The following CFI variants were observed in gnomAD, a reference collection of about 807,000 sequenced individuals.
CFI encodes the protein C3B/C4B inactivator.
In CFI, 66 loss-of-function variants were observed where a neutral mutation model predicts 78.8. The ratio of observed to expected loss-of-function variants is 0.84; its 90% CI spans 0.69 to 1.03. The LOEUF (loss-of-function observed/expected upper bound fraction) is 1.03, where lower values mean the gene tolerates loss of function less well. CFI is among the 50% of genes least tolerant of loss of function. The pLI is 0.00. For missense variants in CFI, 706 were observed against 704.5 expected (o/e 1.00, Z -0.02); for synonymous variants, 250 against 232.6 (o/e 1.07, Z -0.68).
Position 109,741,091 on chromosome 4 carries a change from G to A in CFI, c.1554C>T (p.Ile518=), listed in dbSNP as rs767533323. Residue 518 remains isoleucine, a synonymous_variant, in exon 13 of 13, where the codon ATC becomes ATT. Coordinates refer to ENST00000394634, the MANE Select transcript of CFI (RefSeq NM_000204.5). ...CTCCAGAGTCCCCTTTACAGGCATC[G>A]ATGGAACCATCATATGTACCTAAGA... ...MECAGTYDGS[I]DACKGDSGGP... The A allele has an allele frequency of 6.2e-6, 10 of 1,614,078 alleles. No homozygotes were observed. Among genetic ancestry groups the A allele is most frequent in the Non-Finnish European group, 3.4e-6 (4 of 1,179,976 alleles).
intron 1 of CFI, among the ~76,000 whole-genome samples, chr4:109,780,930 A>G (rs1453825678): frequency 6.6e-6 from 1 of 152,210 alleles, no homozygotes; most frequent in East Asian, 1.9e-4. Context: ...TCTCACTCAC[A>G]GGTGGGAATT....
the CFI span, among the ~76,000 whole-genome samples, chr4:109,732,469 A>AT: frequency 8.5e-5 from 13 of 152,216 alleles, no homozygotes; most frequent in African/African-American, 2.4e-5. Flanking sequence ...ATGCTGTTAA[A>AT]TACCAGGGAT....
At chr4:109,798,337 C>G (rs1732317210) in intron 1 of CFI, among the ~76,000 whole-genome samples, 1 of 151,980 alleles carries the variant, frequency 6.6e-6, no homozygotes, top group South Asian at 2.1e-4. Context: ...CATGCACACA[C>G]AAAATAATAA....
At chr4:109,751,666 C>G (rs1725155911) in intron 8 of CFI, among the ~76,000 whole-genome samples, 2 of 152,080 alleles carry the variant, frequency 1.3e-5, no homozygotes, top group Admixed American at 6.5e-5. Flanking sequence ...GTCTTGAACT[C>G]CTGACCTGAA....
At chr4:109,752,345 T>C (rs1725244550) in intron 8 of CFI, 123 bp downstream of exon 8, 2 of 825,786 alleles carry the variant, frequency 2.4e-6, no homozygotes, top group Non-Finnish European at 2.0e-6. Flanking sequence ...TAATGTTATA[T>C]TTTTTAATTT....
At chr4:109,756,472 A>G (rs921478023) in intron 7 of CFI, among the ~76,000 whole-genome samples, 1 of 151,734 alleles carries the variant, frequency 6.6e-6, no homozygotes, top group Admixed American at 6.6e-5. Flanking sequence ...AGGAGGAGGA[A>G]CAGCAGCTTC....
At chr4:109,800,227 T>G (rs1407736647) in intron 1 of CFI, among the ~76,000 whole-genome samples, 3 of 152,010 alleles carry the variant, frequency 2.0e-5, no homozygotes, top group Non-Finnish European at 2.9e-5. Flanking sequence ...TAATAAAATT[T>G]TAGGGTAAAA....
chr4:109,764,734 C>CT, intron 2 of CFI, 44 bp from the exon 3 acceptor site: 1 of 1,555,916 alleles, frequency 6.4e-7, no homozygotes, highest in Non-Finnish European at 8.8e-7. Flanking sequence ...TAGCCATTCA[C>CT]TTTTTTCTCT....
rs759927335 is a variant in CFI, at chr4:109,746,259, A to G, written c.1392T>C (p.Asn464=). The change falls in exon 11 of 13, where the codon AAT becomes AAC. Residue 464 remains asparagine, a synonymous_variant. Coordinates refer to ENST00000394634, the MANE Select transcript of CFI (RefSeq NM_000204.5). ...CCCAGCCAGAAACGATGCATGTATC[A>G]TTAGGTTGGAATAGGTAAGGAGACC... ...VPWSPYLFQP[N]DTCIVSGWGR... 3 of 1,614,214 alleles carry G rather than the reference A, an allele frequency of 1.9e-6. No individual in the cohort carries two copies. The highest frequency in any genetic ancestry group is 2.5e-6 in the Non-Finnish European group (3 of 1,180,026).
At chr4:109,765,598 G>A (rs1727633776) in intron 2 of CFI, among the ~76,000 whole-genome samples, 1 of 152,148 alleles carries the variant, frequency 6.6e-6, no homozygotes, top group Non-Finnish European at 1.5e-5. Flanking sequence ...GACTGACAGC[G>A]AAATCCCTAA....
intron 1 of CFI, among the ~76,000 whole-genome samples, chr4:109,788,586 T>C (rs1383091444): frequency 2.0e-5 from 3 of 152,026 alleles, no homozygotes; most frequent in African/African-American, 7.2e-5. Context: ...ATCTGGAATA[T>C]GAATTGCAAA....
intron 1 of CFI, among the ~76,000 whole-genome samples, chr4:109,785,650 G>A (rs1042230982): frequency 4.0e-5 from 6 of 151,856 alleles, no homozygotes; most frequent in African/African-American, 1.5e-4. Context: ...GATATGGTTA[G>A]GCTTTGTGTC....
At chr4:109,795,172 C>T (rs1235077671) in intron 1 of CFI, among the ~76,000 whole-genome samples, 2 of 152,162 alleles carry the variant, frequency 1.3e-5, no homozygotes, top group African/African-American at 4.8e-5. Context: ...AGAGAGCAAC[C>T]CTGCTCCTGG....
chr4:109,755,003 A>T (rs1162570536), intron 7 of CFI, among the ~76,000 whole-genome samples: 1 of 152,224 alleles, frequency 6.6e-6, no homozygotes, highest in Non-Finnish European at 1.5e-5. Context: ...GAGAGACAGC[A>T]TGGAAGAAGG....
chr4:109,736,199 G>A (rs1407548775), downstream of CFI, among the ~76,000 whole-genome samples: 1 of 152,202 alleles, frequency 6.6e-6, no homozygotes, highest in Non-Finnish European at 1.5e-5. Flanking sequence ...TGTTGAGGGA[G>A]TGCTGGGAGA....
chr4:109,783,291 C>A (rs1730294983), intron 1 of CFI, among the ~76,000 whole-genome samples: 1 of 152,078 alleles, frequency 6.6e-6, no homozygotes, highest in African/African-American at 2.4e-5. Flanking sequence ...TGAAAAAAGA[C>A]TAACATCCAT....
intron 6 of CFI, among the ~76,000 whole-genome samples, chr4:109,759,099 A>G (rs1183126439): frequency 6.6e-6 from 1 of 152,210 alleles, no homozygotes; most frequent in Non-Finnish European, 1.5e-5. Context: ...TCTCAAAAAA[A>G]GAAAATAAAA....
intron 1 of CFI, among the ~76,000 whole-genome samples, chr4:109,789,295 G>T (rs990458785): frequency 5.8e-4 from 88 of 151,916 alleles, no homozygotes; most frequent in Non-Finnish European, 1.3e-3. Flanking sequence ...AGAAATAATG[G>T]CTGAAATTTA....
At chr4:109,790,653 A>G (rs886942929) in intron 1 of CFI, among the ~76,000 whole-genome samples, 2 of 152,056 alleles carry the variant, frequency 1.3e-5, no homozygotes, top group African/African-American at 4.8e-5. Context: ...ATGTGTTCTC[A>G]TAATTTAGCT....
Sources: gnomAD v4.1 joint callset for allele counts (sites outside exome capture counted in the v4.1 genomes callset) on GRCh38, gnomAD v4.1.1 for gene constraint, MANE v1.5 for transcripts, NCBI Gene and HGNC (gene_info 2026-07-23, HGNC 2026-07-21) for gene names.